The following CSF3R variants were observed in gnomAD, a reference collection of about 807,000 sequenced individuals.
CSF3R encodes granulocyte colony-stimulating factor receptor.
Under a neutral mutation model 84.4 loss-of-function variants are expected in CSF3R, and 52 were observed. The ratio of observed to expected loss-of-function variants is 0.62; its 90% CI spans 0.49 to 0.78. The LOEUF (loss-of-function observed/expected upper bound fraction) is 0.78, where lower values mean the gene tolerates loss of function less well. Among genes scored for constraint, CSF3R ranks in the 30% least tolerant of loss-of-function variants. The pLI is 0.00. For missense variants in CSF3R, 890 were observed against 1,055.7 expected (o/e 0.84, Z 2.17); for synonymous variants, 384 against 429.1 (o/e 0.89, Z 1.30).
In CSF3R at chr1:36,467,946, G is replaced by A. The variant is rs765379784; in HGVS notation, c.1740C>T (p.Ala580=). The change falls in exon 14 of 17, where the codon GCC becomes GCT. Residue 580 remains alanine, a synonymous_variant. Transcript: ENST00000373106. This position sits in a 1 kb window ranked among gnomAD's most constrained non-coding sequence, Gnocchi z 4.1. The part of the protein sequence containing the change: ...QNQSFSAILN[A]SSRGFVLHGL... ...CATGGAGGACAAAGCCACGGGAGGA[G>A]GCATTCAGGATGGCGGCTGGGAGGG... The A allele has an allele frequency of 1.9e-6, 3 of 1,614,218 alleles. No homozygotes were observed. The highest frequency in any genetic ancestry group is 1.1e-5 in the South Asian group (1 of 91,088).
intron 3 of CSF3R, 45 bp downstream of exon 3, chr1:36,479,388 G>A (rs1651378175): frequency 6.3e-7 from 1 of 1,578,906 alleles, no homozygotes. Flanking sequence ...ATCTCTCCTT[G>A]TAGCTTCCCC....
At chr1:36,481,615 A>G (rs1308540758) in intron 1 of CSF3R, 78 bp from the exon 2 acceptor site, 1 of 152,312 alleles carries the variant, frequency 6.6e-6, no homozygotes, top group Admixed American at 6.5e-5. Context: ...TGGTAAAGGC[A>G]TTTAGCCCTG....
At position 36,473,810 on chromosome 1, in the gene CSF3R, C is replaced by G. The variant is rs1650943978; in HGVS notation, c.439G>C (p.Gly147Arg). Reference sequence around the variant, plus strand: ...CTGGTGGGTAGGTGGGTCTCAGGTCCTGGCTCCCACTGGCAGATGAGGCTG... The same window carrying G: ...CTGGTGGGTAGGTGGGTCTCAGGTCGTGGCTCCCACTGGCAGATGAGGCTG... ...TSSLICQWEP[G>R]PETHLPTSFT... Residue 147 changes from glycine to arginine, a missense_variant, in exon 5 of 17, where the codon GGA (glycine) becomes CGA (arginine). By Grantham distance (125) the Gly-to-Arg change is moderately radical. Coordinates refer to ENST00000373106, the MANE Select transcript of CSF3R (RefSeq NM_000760.4). The G allele has an allele frequency of 6.2e-7, 1 of 1,614,144 alleles. No homozygotes were observed. Among genetic ancestry groups the G allele is most frequent in the Admixed American group, 1.7e-5 (1 of 60,004 alleles).
At position 36,472,021 on chromosome 1, in the gene CSF3R, T is replaced by C. The variant is rs911764520; in HGVS notation, c.1071+45A>G. On this transcript the variant is annotated intron_variant, in intron 9 of 16. Transcript: ENST00000373106. The surrounding 1 kb of genome is among the most constrained non-coding windows in gnomAD (Gnocchi z 5.0). ...CCGGTTTGTAGGGATCTGTTTGGACTGCGGGAGGTGTCGAGGTGGAGGGAT... is the reference window on the plus strand; with the variant it reads ...CCGGTTTGTAGGGATCTGTTTGGACCGCGGGAGGTGTCGAGGTGGAGGGAT... The C allele has an allele frequency of 6.3e-7, 1 of 1,587,380 alleles. No individual in the cohort carries two copies.
intron 3 of CSF3R, chr1:36,479,035 T>C (rs1024398437): frequency 2.9e-6 from 1 of 343,788 alleles, no homozygotes; most frequent in South Asian, 2.4e-5. Context: ...AGACAGAGTT[T>C]CCATGGTTGG....
Position 36,473,847 on chromosome 1 carries a change from G to A in CSF3R, c.402C>T (p.Asn134=). The change falls in exon 5 of 17, where the codon AAC becomes AAT. Residue 134 remains asparagine, a synonymous_variant. Transcript: ENST00000373106. ...GGCAGATGAGGCTGCTGGTTGTGAG[G>A]TTCATGAGGCAGGAGAGGTTGTGGG... ...AIPHNLSCLM[N]LTTSSLICQW... 2.5e-6 allele frequency: 4 copies of A among 1,614,250 alleles called. No individual in the cohort carries two copies. Among genetic ancestry groups the A allele is most frequent in the Non-Finnish European group, 3.4e-6 (4 of 1,180,050 alleles).
chr1:36,467,857 TTGG>T lies in CSF3R; in HGVS notation c.1826_1828del (p.Thr609del). The T allele has an allele frequency of 1.9e-6, 3 of 1,614,172 alleles. No individual in the cohort carries two copies. Among genetic ancestry groups the T allele is most frequent in the Non-Finnish European group, 1.7e-6 (2 of 1,180,022 alleles). ...GGTCATCAGGGTGAGGACTGTACTG[TTGG>T]TGGCCCCAGCCTGGCTGGCAGCCAT... On this transcript the variant is annotated inframe_deletion, in exon 14 of 17. Coordinates refer to ENST00000373106, the MANE Select transcript of CSF3R (RefSeq NM_000760.4). This position sits in a 1 kb window ranked among gnomAD's most constrained non-coding sequence, Gnocchi z 4.1.
At chr1:36,468,358 TC>T in intron 12 of CSF3R, 137 bp from the exon 13 acceptor site, 2 of 884,506 alleles carry the variant, frequency 2.3e-6, no homozygotes, top group South Asian at 2.0e-5. Flanking sequence ...GCCTCATTTT[TC>T]CCAGGGATTT....
chr1:36,467,781 C>T lies in CSF3R; in HGVS notation c.1864+41G>A. ...ATCAGCATCCTTTGGGTGGGGTACCCTCCAAACAGCCATCTCTGCCCAGCC... is the reference window on the plus strand; with the variant it reads ...ATCAGCATCCTTTGGGTGGGGTACCTTCCAAACAGCCATCTCTGCCCAGCC... On this transcript the variant is annotated intron_variant, in intron 14 of 16. Transcript: ENST00000373106. This position sits in a 1 kb window ranked among gnomAD's most constrained non-coding sequence, Gnocchi z 4.1. 2.5e-6 allele frequency: 4 copies of T among 1,614,206 alleles called. No homozygotes were observed. The highest frequency in any genetic ancestry group is 3.4e-6 in the Non-Finnish European group (4 of 1,180,028).
Position 36,472,395 on chromosome 1 carries a change from G to A in CSF3R, c.844-4C>T, listed in dbSNP as rs1421145375. 7 of 1,613,954 alleles carry A rather than the reference G, an allele frequency of 4.3e-6. No homozygotes were observed. The highest frequency in any genetic ancestry group is 5.9e-6 in the Non-Finnish European group (7 of 1,180,000). On this transcript the variant is annotated splice_region_variant and splice_polypyrimidine_tract_variant and intron_variant, in intron 7 of 16. Coordinates refer to ENST00000373106, the MANE Select transcript of CSF3R (RefSeq NM_000760.4). The surrounding 1 kb of genome is among the most constrained non-coding windows in gnomAD (Gnocchi z 5.0). ...CCTCCAAGGGGAGGGGGCCCACCTG[G>A]TGAGGGGTGGACAGGACTCTGAGCC...
chr1:36,466,534 C>T lies in CSF3R; in HGVS notation c.2334G>A (p.Ala778=), dbSNP rs116118817. 3.5e-4 allele frequency: 564 copies of T among 1,609,238 alleles called. 1 individual carries two copies. In the African/African-American group the frequency reaches 5.0e-3, roughly 14 times the overall value. Reference sequence around the variant, plus strand: ...AGGACTTGGGGCTGGGGGTGAGGCCCGCCAAGAGGGGCTGAGTGGAGTCAC... The same window carrying T: ...AGGACTTGGGGCTGGGGGTGAGGCCTGCCAAGAGGGGCTGAGTGGAGTCAC... ...LRCDSTQPLL[A]GLTPSPKSYE... Residue 778 remains alanine (A), a synonymous_variant, in exon 17 of 17, where the codon GCG becomes GCA. Coordinates refer to ENST00000373106, the MANE Select transcript of CSF3R (RefSeq NM_000760.4). This position sits in a 1 kb window ranked among gnomAD's most constrained non-coding sequence, Gnocchi z 4.6.
chr1:36,480,479 G>A (rs1237575688), intron 2 of CSF3R, among the ~76,000 whole-genome samples: 8 of 152,220 alleles, frequency 5.3e-5, no homozygotes. Flanking sequence ...CCAGTCTTAG[G>A]AAGTATGCAG....
At chr1:36,478,972 A>G in intron 3 of CSF3R, 2 of 278,794 alleles carry the variant, frequency 7.2e-6, no homozygotes, top group Non-Finnish European at 1.4e-5. Context: ...CATCTTTATC[A>G]ATCCTGGCTT....
In CSF3R at chr1:36,473,975, C is replaced by T. The variant is rs547123608; in HGVS notation, c.362-88G>A. On this transcript the variant is annotated intron_variant, in intron 4 of 16. Coordinates refer to ENST00000373106, the MANE Select transcript of CSF3R (RefSeq NM_000760.4). ...GACCAGCTGGCCCTGTTGCCTTGCC[C>T]TGGCTTGGTTCCTCTGTTGTCACCT... 54 of 1,594,002 alleles carry T rather than the reference C, an allele frequency of 3.4e-5. 1 individual carries two copies. The South Asian group carries it at 5.2e-4, about 15-fold the overall frequency.
In CSF3R at chr1:36,472,143, T is replaced by C. The variant is rs757256839; in HGVS notation, c.998-4A>G. The C allele has an allele frequency of 3.0e-5, 49 of 1,613,590 alleles. No individual in the cohort carries two copies. Among genetic ancestry groups the C allele is most frequent in the Non-Finnish European group, 4.1e-5 (48 of 1,179,958 alleles). ...GTGTCCAGTCTGACAGTGGGGGCTG[T>C]GGATGGAACAAGAAGAGGGGGTGCC... On this transcript the variant is annotated splice_region_variant and splice_polypyrimidine_tract_variant and intron_variant, in intron 8 of 16. Transcript: ENST00000373106. The surrounding 1 kb of genome is among the most constrained non-coding windows in gnomAD (Gnocchi z 5.0).
At chr1:36,473,210 A>G (rs1000535521) in intron 6 of CSF3R, 8 of 594,326 alleles carry the variant, frequency 1.3e-5, no homozygotes, top group South Asian at 6.1e-5. Flanking sequence ...CGCTGAAAGC[A>G]TGACTGAATG....
At chr1:36,468,366 A>T (rs1650485614) in intron 12 of CSF3R, 145 bp from the exon 13 acceptor site, 2 of 827,338 alleles carry the variant, frequency 2.4e-6, no homozygotes, top group East Asian at 5.4e-5. Flanking sequence ...TTTCCCAGGG[A>T]TTTAATCCAG....
At chr1:36,482,610 C>T (rs1651599674) in intron 1 of CSF3R, among the ~76,000 whole-genome samples, 1 of 152,154 alleles carries the variant, frequency 6.6e-6, no homozygotes, top group African/African-American at 2.4e-5. Flanking sequence ...AGTGACTTCC[C>T]TGGTGCAATA....
In CSF3R at chr1:36,467,996, T is replaced by A; in HGVS notation, c.1724-34A>T. The A allele has an allele frequency of 6.2e-7, 1 of 1,614,088 alleles. No individual in the cohort carries two copies. On this transcript the variant is annotated intron_variant, in intron 13 of 16. Coordinates refer to ENST00000373106, the MANE Select transcript of CSF3R (RefSeq NM_000760.4). The surrounding 1 kb of genome is among the most constrained non-coding windows in gnomAD (Gnocchi z 4.1). The stretch of plus-strand genomic sequence containing the variant: ...GGTGTACGGTCAGCATAGGCCTGGA[T>A]GGTAAAGCTGCCTCCGTGGCAGCTG...
Sources: gnomAD v4.1 joint callset for allele counts (sites outside exome capture counted in the v4.1 genomes callset) on GRCh38, gnomAD v4.1.1 for gene constraint, Gnocchi (gnomAD v3.1) non-coding constraint, MANE v1.5 for transcripts, NCBI Gene and HGNC (gene_info 2026-07-23, HGNC 2026-07-21) for gene names.